The following BCAS3 variants were observed in gnomAD, a reference collection of about 807,000 sequenced individuals.
BCAS3 encodes BCAS3 microtubule associated cell migration factor.
A neutral mutation model predicts 116.1 loss-of-function variants in BCAS3; 53 were observed. That is an observed-to-expected ratio of 0.46 (90% CI 0.37 to 0.57). The LOEUF (loss-of-function observed/expected upper bound fraction) is 0.57, where lower values mean the gene tolerates loss of function less well. BCAS3 is among the 20% of genes least tolerant of loss of function. The pLI is 0.00. For missense variants in BCAS3, 917 were observed against 1,165.4 expected (o/e 0.79, Z 3.10); for synonymous variants, 391 against 408.2 (o/e 0.96, Z 0.51).
At position 61,313,693 on chromosome 17, in the gene BCAS3, C is replaced by T. The variant is rs956391539; in HGVS notation, c.2426-54634C>T. ...GGAGGAGGACTTTCCGGCCAGGGTA[C>T]AGCTCCTCTAGGCTGAGGCAGTTAA... On this transcript the variant is annotated intron_variant, in intron 22 of 23. Coordinates refer to ENST00000407086, the MANE Select transcript of BCAS3 (RefSeq NM_017679.5). The surrounding 1 kb of genome is among the most constrained non-coding windows in gnomAD (Gnocchi z 4.3). Among the ~76,000 whole-genome samples the T allele has an allele frequency of 1.3e-5, 2 of 152,214 alleles. No individual in the cohort carries two copies. Among genetic ancestry groups the T allele is most frequent in the East Asian group, 1.9e-4 (1 of 5,190 alleles).
intron 6 of BCAS3, among the ~76,000 whole-genome samples, chr17:60,783,463 C>T (rs1165752084): frequency 6.6e-6 from 1 of 152,120 alleles, no homozygotes; most frequent in Non-Finnish European, 1.5e-5. Context: ...CCTTGGGCTC[C>T]CAAACTGCTG....
chr17:61,249,148 A>G lies in BCAS3; in HGVS notation c.2426-119179A>G, dbSNP rs2048185577. On this transcript the variant is annotated intron_variant, in intron 22 of 23. Coordinates refer to ENST00000407086, the MANE Select transcript of BCAS3 (RefSeq NM_017679.5). This position sits in a 1 kb window ranked among gnomAD's most constrained non-coding sequence, Gnocchi z 6.2. ...TAAAAATACAAAAAATTAGCCGGGA[A>G]TGGTGGCGGGTGCCTGTAATCCCAG... 6.6e-6 allele frequency among the ~76,000 whole-genome samples: 1 copy of G among 151,976 alleles called. No homozygotes were observed. Among genetic ancestry groups the G allele is most frequent in the African/African-American group, 2.4e-5 (1 of 41,390 alleles).
Position 61,244,566 on chromosome 17 carries a change from A to C in BCAS3, c.2426-123761A>C, listed in dbSNP as rs1271103764. On this transcript the variant is annotated intron_variant, in intron 22 of 23. Transcript: ENST00000407086. The surrounding 1 kb of genome is among the most constrained non-coding windows in gnomAD (Gnocchi z 4.9). ...CATACTTTATTCAGTCTATATTTTT[A>C]AAAATTGGATATATAGGCCCGGCGC... Among the ~76,000 whole-genome samples the C allele has an allele frequency of 6.6e-6, 1 of 152,238 alleles. No homozygotes were observed. The highest frequency in any genetic ancestry group is 2.4e-5 in the African/African-American group (1 of 41,472).
chr17:61,358,542 C>G (rs2058281678), intron 22 of BCAS3, among the ~76,000 whole-genome samples: 1 of 146,408 alleles, frequency 6.8e-6, no homozygotes, highest in Non-Finnish European at 1.5e-5. Context: ...CCCTCCATCA[C>G]CCAGGCTGGA....
chr17:61,052,409 C>A (rs566249988), intron 19 of BCAS3, among the ~76,000 whole-genome samples: 1 of 151,760 alleles, frequency 6.6e-6, no homozygotes, highest in Non-Finnish European at 1.5e-5. Context: ...TTTCCTCTTC[C>A]TTATCTACAT....
Position 61,333,215 on chromosome 17 carries a change from G to A in BCAS3, c.2426-35112G>A, listed in dbSNP as rs955327184. Among the ~76,000 whole-genome samples, 2 of 152,186 alleles carry A rather than the reference G, an allele frequency of 1.3e-5. No homozygotes were observed. The highest frequency in any genetic ancestry group is 6.5e-5 in the Admixed American group (1 of 15,280). On this transcript the variant is annotated intron_variant, in intron 22 of 23. Transcript: ENST00000407086. The surrounding 1 kb of genome is among the most constrained non-coding windows in gnomAD (Gnocchi z 4.8). ...ACAAAGTCTGGTGAGAGGAGCAAGT[G>A]CAGTTATGCACAGGGAGCAGCTGGT... is the stretch of plus-strand genomic sequence containing the variant.
Position 61,387,627 on chromosome 17 carries a change from G to C in BCAS3, c.2594-4350G>C, listed in dbSNP as rs1246669973. ...GCTGTCCATCCTGGCCCAAGGCATAGAGGGGCAGCTGCGGGTAACAGGCCC... is the reference window on the plus strand; with the variant it reads ...GCTGTCCATCCTGGCCCAAGGCATACAGGGGCAGCTGCGGGTAACAGGCCC... On this transcript the variant is annotated intron_variant, in intron 23 of 23. Transcript: ENST00000407086. This position sits in a 1 kb window ranked among gnomAD's most constrained non-coding sequence, Gnocchi z 6.2. Among the ~76,000 whole-genome samples, 1 of 152,206 alleles carries C rather than the reference G, an allele frequency of 6.6e-6. No homozygotes were observed.
intron 14 of BCAS3, among the ~76,000 whole-genome samples, chr17:60,977,223 A>G (rs1404149298): frequency 5.9e-5 from 9 of 152,162 alleles, no homozygotes; most frequent in Non-Finnish European, 1.5e-5. Flanking sequence ...TGCATTGCAC[A>G]GGCTGGAGTG....
intron 5 of BCAS3, among the ~76,000 whole-genome samples, chr17:60,715,654 A>C (rs923220828): frequency 1.3e-5 from 2 of 149,892 alleles, no homozygotes; most frequent in Non-Finnish European, 1.5e-5. Context: ...TGTCCGGTTA[A>C]TTTTTGTATT....
intron 22 of BCAS3, among the ~76,000 whole-genome samples, chr17:61,288,061 C>G (rs895572068): frequency 1.3e-5 from 2 of 152,146 alleles, no homozygotes; most frequent in African/African-American, 4.8e-5. Context: ...AGTCAGAAGC[C>G]CTGGGCTCTG....
rs760767982 is a variant in BCAS3, at chr17:60,990,404, T to C, written c.1486+169T>C. 3.3e-5 allele frequency among the ~76,000 whole-genome samples: 5 copies of C among 152,198 alleles called. No individual in the cohort carries two copies. Among genetic ancestry groups the C allele is most frequent in the Admixed American group, 1.3e-4 (2 of 15,284 alleles). On this transcript the variant is annotated intron_variant, in intron 15 of 23. Transcript: ENST00000407086. The surrounding 1 kb of genome is among the most constrained non-coding windows in gnomAD (Gnocchi z 5.1). ...ATAATTTAATAAATTGGAGCCAGTA[T>C]AGTAATGGTGATCTTTACCATGCTA...
chr17:61,109,488 G>C (rs2074915637), intron 22 of BCAS3, among the ~76,000 whole-genome samples: 1 of 152,072 alleles, frequency 6.6e-6, no homozygotes, highest in South Asian at 2.1e-4. Context: ...TGGAACAAAT[G>C]GTAGATGTAC....
chr17:61,173,374 G>T (rs576297318), intron 22 of BCAS3, among the ~76,000 whole-genome samples: 1 of 151,114 alleles, frequency 6.6e-6, no homozygotes, highest in African/African-American at 2.4e-5. Flanking sequence ...ATTTGAACCC[G>T]AGAGGCAGAG....
intron 2 of BCAS3, among the ~76,000 whole-genome samples, chr17:60,681,251 G>C (rs2033057545): frequency 6.6e-6 from 1 of 151,954 alleles, no homozygotes; most frequent in Admixed American, 6.6e-5. Flanking sequence ...TGTAATCCCA[G>C]CATTTTGGGA....
intron 22 of BCAS3, among the ~76,000 whole-genome samples, chr17:61,334,753 G>T (rs545908745): frequency 6.6e-6 from 1 of 151,966 alleles, no homozygotes; most frequent in South Asian, 2.1e-4. Flanking sequence ...TCCTAAGAGG[G>T]CAAAGGAGCC....
chr17:60,895,172 G>C (rs2057427933), intron 10 of BCAS3, among the ~76,000 whole-genome samples: 1 of 151,190 alleles, frequency 6.6e-6, no homozygotes. Flanking sequence ...GGATTCAGCT[G>C]TGAACCTGTC....
In BCAS3 at chr17:61,215,883, G is replaced by C. The variant is rs1291132132; in HGVS notation, c.2425+131319G>C. On this transcript the variant is annotated intron_variant, in intron 22 of 23. Transcript: ENST00000407086. The surrounding 1 kb of genome is among the most constrained non-coding windows in gnomAD (Gnocchi z 4.8). ...ACTCCCTGAGTAATTCTAGTGTACA[G>C]CCAGATTTGAAAACCTTTGTCTTAG... Among the ~76,000 whole-genome samples the C allele has an allele frequency of 6.6e-6, 1 of 152,160 alleles. No individual in the cohort carries two copies. The highest frequency in any genetic ancestry group is 2.4e-5 in the African/African-American group (1 of 41,432).
chr17:61,216,386 G>A (rs2081786487), intron 22 of BCAS3, among the ~76,000 whole-genome samples: 1 of 152,082 alleles, frequency 6.6e-6, no homozygotes, highest in Non-Finnish European at 1.5e-5. Flanking sequence ...TCTTTCAGCA[G>A]TTGGCTCTAG....
In BCAS3 at chr17:61,392,350, G is replaced by A. The variant is rs2060175588; in HGVS notation, c.*225G>A. 1 of 513,176 alleles carries A rather than the reference G, an allele frequency of 1.9e-6. No homozygotes were observed. Among genetic ancestry groups the A allele is most frequent in the Non-Finnish European group, 3.4e-6 (1 of 292,800 alleles). The allele number at this position is 513,176 out of a possible 1,614,324, so 31.8% of individuals were successfully genotyped here. ...ACCTGTCGGTGGAGGCTGTGGCCAG[G>A]AGAGACTGTAGAAGCTCGGTCCCTG... On this transcript the variant is annotated 3_prime_UTR_variant, in exon 24 of 24. Transcript: ENST00000407086. The surrounding 1 kb of genome is among the most constrained non-coding windows in gnomAD (Gnocchi z 6.4).
Sources: allele counts gnomAD v4.1 joint callset (sites outside exome capture counted in the v4.1 genomes callset), GRCh38; gene constraint gnomAD v4.1.1; non-coding constraint Gnocchi (gnomAD v3.1); transcripts MANE v1.5; gene names NCBI Gene and HGNC (gene_info 2026-07-23, HGNC 2026-07-21).